DOCK1: variants seen among roughly 807,000 people sequenced by gnomAD.
The protein encoded by DOCK1 is dedicator of cytokinesis protein 1.
Under a neutral mutation model 262.7 loss-of-function variants are expected in DOCK1, and 138 were observed. The ratio of observed to expected loss-of-function variants is 0.53; its 90% CI spans 0.46 to 0.61. The LOEUF (loss-of-function observed/expected upper bound fraction) is 0.61, where lower values mean the gene tolerates loss of function less well. Ranked by LOEUF, DOCK1 falls within the 20% of genes least tolerant of loss-of-function variation. DOCK1 has a pLI of 0.00. For synonymous variants in DOCK1, 866 were observed against 867.4 expected, an observed-to-expected ratio of 1.00 and a Z score of 0.03; for missense variants, 1,908 against 2,370.7, an observed-to-expected ratio of 0.80 and a Z score of 4.05.
intron 27 of DOCK1, among the ~76,000 whole-genome samples, chr10:127,152,287 AG>A (rs1489243204): frequency 6.6e-6 from 1 of 152,240 alleles, no homozygotes; most frequent in Non-Finnish European, 1.5e-5. Context: ...CTCTTTTGCA[AG>A]ATGAGTGGAG....
At chr10:127,107,010 T>C (rs2136224011) in intron 24 of DOCK1, among the ~76,000 whole-genome samples, 1 of 152,262 alleles carries the variant, frequency 6.6e-6, no homozygotes, top group East Asian at 1.9e-4. Flanking sequence ...CAGGCTGTAG[T>C]GCAGTGGCGC....
intron 4 of DOCK1, among the ~76,000 whole-genome samples, chr10:126,984,873 C>T (rs1282787637): frequency 2.0e-5 from 3 of 151,902 alleles, no homozygotes; most frequent in Non-Finnish European, 2.9e-5. Context: ...ATTGTAGTCA[C>T]CTTGGTGTAG....
At chr10:127,406,567 C>T (rs375262008) in intron 40 of DOCK1, among the ~76,000 whole-genome samples, 2 of 152,204 alleles carry the variant, frequency 1.3e-5, no homozygotes, top group Admixed American at 1.3e-4. Context: ...AGAATGTTTG[C>T]GTGCTTCATG....
chr10:127,203,727 G>A (rs1445209885), intron 27 of DOCK1, among the ~76,000 whole-genome samples: 1 of 151,122 alleles, frequency 6.6e-6, no homozygotes, highest in Non-Finnish European at 1.5e-5. Context: ...GTAGGGCTGC[G>A]GATCTCCCCG....
At chr10:127,425,824 C>T (rs1293729550) in intron 46 of DOCK1, 50 bp from the exon 47 acceptor site, 1 of 1,612,298 alleles carries the variant, frequency 6.2e-7, no homozygotes, top group Non-Finnish European at 8.5e-7. Flanking sequence ...CATTGCTCGT[C>T]CTAGACCATT....
At chr10:127,060,994 C>T (rs555967702) in intron 22 of DOCK1, among the ~76,000 whole-genome samples, 10 of 152,226 alleles carry the variant, frequency 6.6e-5, no homozygotes, top group East Asian at 3.9e-4. Context: ...TTTGGGAGGC[C>T]GAGGCAAGTG....
chr10:126,911,710 G>A (rs925524057), intron 1 of DOCK1, among the ~76,000 whole-genome samples: 2 of 152,198 alleles, frequency 1.3e-5, no homozygotes, highest in African/African-American at 4.8e-5. Flanking sequence ...AAGCAGCGAT[G>A]TTCTGGATGG....
At chr10:126,988,420 G>C (rs2039565059) in intron 5 of DOCK1, 1 of 152,176 alleles carries the variant, frequency 6.6e-6, no homozygotes, top group Non-Finnish European at 1.5e-5. Context: ...GGGCAGGCTT[G>C]TTGTTTTTGA....
intron 27 of DOCK1, chr10:127,138,130 T>G (rs1420089818): frequency 2.9e-5 from 28 of 978,040 alleles, no homozygotes; most frequent in Non-Finnish European, 3.6e-5. Context: ...TAATGTAATT[T>G]TATGGTTTAA....
In DOCK1 at chr10:127,435,736, C is replaced by A. The variant is rs568189724; in HGVS notation, c.5060+2308C>A. The stretch of plus-strand genomic sequence containing the variant: ...TCTTCCCCAGAAGGCATTTGTTTAA[C>A]CTTTAACTGGAAGGCGTCTTTATTA... On this transcript the variant is annotated intron_variant, in intron 48 of 51. Coordinates refer to ENST00000623213, the MANE Select transcript of DOCK1 (RefSeq NM_001290223.2). 3.3e-5 allele frequency among the ~76,000 whole-genome samples: 5 copies of A among 152,288 alleles called. No individual in the cohort carries two copies. The East Asian group carries it at 9.7e-4, about 29-fold the overall frequency.
At chr10:127,154,759 C>G (rs1402464460) in intron 27 of DOCK1, among the ~76,000 whole-genome samples, 1 of 152,104 alleles carries the variant, frequency 6.6e-6, no homozygotes, top group Non-Finnish European at 1.5e-5. Flanking sequence ...AATTCTCCCC[C>G]CTAATTAAAA....
At chr10:127,235,854 C>T (rs544417037) in intron 27 of DOCK1, among the ~76,000 whole-genome samples, 3 of 151,774 alleles carry the variant, frequency 2.0e-5, no homozygotes, top group African/African-American at 7.3e-5. Flanking sequence ...TTTTAACTTG[C>T]GTGTTCCTAT....
chr10:126,948,427 G>A lies in DOCK1; in HGVS notation c.47-22275G>A, dbSNP rs1010369192. Among the ~76,000 whole-genome samples the A allele has an allele frequency of 9.4e-4, 135 of 144,260 alleles. 21 individuals are homozygous for A. The highest frequency in any genetic ancestry group is 7.8e-5 in the Non-Finnish European group (5 of 63,742). The allele number at this position is 144,260 out of a possible 152,430, so 94.6% of individuals were successfully genotyped here. Reference sequence around the variant, plus strand: ...TATTACTGTTGGTGGTGATGGTGGTGGTGGTGGTAATACTGCTGGTGGTGA... The same window carrying A: ...TATTACTGTTGGTGGTGATGGTGGTAGTGGTGGTAATACTGCTGGTGGTGA... On this transcript the variant is annotated intron_variant, in intron 1 of 51. Transcript: ENST00000623213.
intron 8 of DOCK1, 88 bp downstream of exon 8, chr10:126,998,337 T>TGAGA: frequency 6.5e-7 from 1 of 1,540,826 alleles, no homozygotes; most frequent in Non-Finnish European, 8.9e-7. Context: ...CCATTCATGC[T>TGAGA]GAGAGGCCTT....
At chr10:126,963,640 C>T (rs1288096498) in intron 1 of DOCK1, among the ~76,000 whole-genome samples, 19,451 of 64,822 alleles carry the variant, frequency 0.3, 3,445 homozygotes, top group Middle Eastern at 0.48. Context: ...CTTCCCTTCC[C>T]TCCTTCCTTC....
At chr10:127,170,033 G>T (rs2054422280) in intron 27 of DOCK1, among the ~76,000 whole-genome samples, 1 of 151,814 alleles carries the variant, frequency 6.6e-6, no homozygotes. Flanking sequence ...CCCGAGACTT[G>T]GGAGAGCTGG....
chr10:127,017,571 A>G (rs2042093449), intron 12 of DOCK1, among the ~76,000 whole-genome samples: 1 of 152,128 alleles, frequency 6.6e-6, no homozygotes, highest in South Asian at 2.1e-4. Context: ...GCACAGATAC[A>G]GATACACAGA....
At chr10:127,042,554 GAT>G (rs2044088493) in intron 19 of DOCK1, 69 bp from the exon 20 acceptor site, 9 of 1,336,534 alleles carry the variant, frequency 6.7e-6, no homozygotes, top group African/African-American at 1.4e-5. Context: ...CTGCAGAGAT[GAT>G]AGTTATTCCA....
At chr10:127,216,018 A>G (rs185320618) in intron 27 of DOCK1, among the ~76,000 whole-genome samples, 2 of 152,240 alleles carry the variant, frequency 1.3e-5, no homozygotes, top group East Asian at 3.9e-4. Flanking sequence ...TCTGAAACGT[A>G]AGCCTTCAGA....
Sources: allele counts gnomAD v4.1 joint callset (sites outside exome capture counted in the v4.1 genomes callset), GRCh38; gene constraint gnomAD v4.1.1; transcripts MANE v1.5; gene names NCBI Gene and HGNC (gene_info 2026-07-23, HGNC 2026-07-21).